SYT1: variants seen among roughly 807,000 people sequenced by gnomAD.
The protein encoded by SYT1 is synaptotagmin 1, also known as synaptotagmin-1.
A neutral mutation model predicts 44.8 loss-of-function variants in SYT1; 8 were observed. The observed-to-expected ratio is 0.18, with a 90% CI of 0.10 to 0.32. The LOEUF is 0.32. Ranked by LOEUF, SYT1 falls within the 10% of genes least tolerant of loss-of-function variation. The pLI is 1.00. For synonymous variants in SYT1, 154 were observed against 188.8 expected, an observed-to-expected ratio of 0.82 and a Z score of 1.51; for missense variants, 286 against 509.3, an observed-to-expected ratio of 0.56 and a Z score of 4.22.
At chr12:79,441,631 C>T (rs563195657) in intron 9 of SYT1, among the ~76,000 whole-genome samples, 3 of 152,214 alleles carry the variant, frequency 2.0e-5, no homozygotes, top group African/African-American at 7.2e-5. Flanking sequence ...CCTCTGTTCT[C>T]TTTTTTATGT....
At chr12:79,256,906 T>G (rs1292023433) in intron 4 of SYT1, among the ~76,000 whole-genome samples, 1 of 152,214 alleles carries the variant, frequency 6.6e-6, no homozygotes, top group Non-Finnish European at 1.5e-5. Flanking sequence ...CATCTTTAAA[T>G]TAACTTCAGG....
intron 4 of SYT1, among the ~76,000 whole-genome samples, chr12:79,219,449 C>T (rs1382430124): frequency 6.6e-6 from 1 of 151,798 alleles, no homozygotes; most frequent in Non-Finnish European, 1.5e-5. Context: ...AAATTTTTAT[C>T]CTGCATTTTA....
chr12:79,212,713 C>T (rs1369841158), intron 3 of SYT1, among the ~76,000 whole-genome samples: 2 of 152,112 alleles, frequency 1.3e-5, no homozygotes, highest in Non-Finnish European at 2.9e-5. Flanking sequence ...CTTGTGTCTT[C>T]CATTTACTGG....
intron 2 of SYT1, among the ~76,000 whole-genome samples, chr12:79,019,717 C>T (rs1405809398): frequency 6.6e-6 from 1 of 151,874 alleles, no homozygotes; most frequent in Non-Finnish European, 1.5e-5. Context: ...TTTTACTAAA[C>T]TCCTTTCATG....
chr12:79,213,099 A>G (rs941440489), intron 3 of SYT1, among the ~76,000 whole-genome samples: 1 of 152,210 alleles, frequency 6.6e-6, no homozygotes, highest in Non-Finnish European at 1.5e-5. Context: ...GTGGATTGTG[A>G]AACTAATGTA....
intron 4 of SYT1, among the ~76,000 whole-genome samples, chr12:79,228,049 T>TG: frequency 6.6e-6 from 1 of 151,270 alleles, no homozygotes; most frequent in South Asian, 2.1e-4. Flanking sequence ...TTTTTTTTTT[T>TG]GGTCCTATAA....
At chr12:78,929,409 C>CAAAA (rs10646738) in intron 1 of SYT1, among the ~76,000 whole-genome samples, 3,822 of 43,778 alleles carry the variant, frequency 0.087, 1,866 homozygotes, top group African/African-American at 0.13. Context: ...GACTCCGTCC[C>CAAAA]AAAAAAAAAA....
intron 1 of SYT1, among the ~76,000 whole-genome samples, chr12:78,939,608 G>T (rs1409964409): frequency 6.6e-6 from 1 of 152,134 alleles, no homozygotes; most frequent in African/African-American, 2.4e-5. Context: ...GGAGAAACTA[G>T]ATCTAGTTTA....
chr12:79,409,018 T>G (rs1239352840), intron 9 of SYT1, among the ~76,000 whole-genome samples: 2 of 152,028 alleles, frequency 1.3e-5, no homozygotes, highest in African/African-American at 4.8e-5. Context: ...GGGCCAGCAT[T>G]ACATTCTCAG....
rs766366269 is a variant in SYT1, at chr12:79,417,186, AT to A, written c.929-26883del. Among the ~76,000 whole-genome samples, 96 of 152,026 alleles carry A rather than the reference AT, an allele frequency of 6.3e-4. 1 individual carries two copies. Among genetic ancestry groups the A allele is most frequent in the African/African-American group, 2.0e-3 (84 of 41,440 alleles). On this transcript the variant is annotated intron_variant, in intron 9 of 10. Coordinates refer to ENST00000261205, the MANE Select transcript of SYT1 (RefSeq NM_005639.3). ...AAACCTGTGTCTTCCTCCTAATCAT[AT>A]TTTCTTAAATTGTACTTTTATTTAG...
At chr12:79,276,519 T>C (rs1377851675) in intron 4 of SYT1, among the ~76,000 whole-genome samples, 1 of 151,314 alleles carries the variant, frequency 6.6e-6, no homozygotes, top group Non-Finnish European at 1.5e-5. Context: ...CTACTAAAAA[T>C]ACAAAAATTA....
intron 3 of SYT1, among the ~76,000 whole-genome samples, chr12:79,053,001 T>C (rs1162397347): frequency 2.6e-5 from 4 of 152,172 alleles, no homozygotes; most frequent in Non-Finnish European, 5.9e-5. Flanking sequence ...GCAACACCAT[T>C]ACTGGGTATA....
At chr12:79,326,675 C>T (rs959175391) in intron 8 of SYT1, among the ~76,000 whole-genome samples, 4 of 152,180 alleles carry the variant, frequency 2.6e-5, no homozygotes, top group Non-Finnish European at 4.4e-5. Context: ...TTTTTTTTCT[C>T]TGCCTGCGAG....
chr12:79,002,187 C>T (rs1049227470), intron 2 of SYT1, among the ~76,000 whole-genome samples: 2 of 152,000 alleles, frequency 1.3e-5, no homozygotes, highest in South Asian at 4.1e-4. Context: ...TACTACAATC[C>T]TTTGCTGTTT....
chr12:79,060,603 G>T (rs928943699), intron 3 of SYT1, among the ~76,000 whole-genome samples: 1 of 151,910 alleles, frequency 6.6e-6, no homozygotes, highest in Non-Finnish European at 1.5e-5. Context: ...AGGTTATTTT[G>T]TATATTGTCA....
At chr12:79,318,804 A>C (rs1881219700) in intron 8 of SYT1, among the ~76,000 whole-genome samples, 1 of 152,246 alleles carries the variant, frequency 6.6e-6, no homozygotes, top group African/African-American at 2.4e-5. Flanking sequence ...TAGCGTCAGA[A>C]ATAGTCTGCT....
intron 8 of SYT1, among the ~76,000 whole-genome samples, chr12:79,326,844 T>C (rs1038454605): frequency 6.6e-6 from 1 of 152,210 alleles, no homozygotes. Context: ...ATATGCTGTC[T>C]GTAAACAGTT....
At chr12:79,345,069 A>G in intron 8 of SYT1, among the ~76,000 whole-genome samples, 1 of 152,158 alleles carries the variant, frequency 6.6e-6, no homozygotes, top group Admixed American at 6.5e-5. Flanking sequence ...GACAGGGTTC[A>G]TCCTGACTTC....
intron 1 of SYT1, among the ~76,000 whole-genome samples, chr12:78,883,450 A>C (rs1034206959): frequency 4.0e-5 from 6 of 151,696 alleles, no homozygotes; most frequent in Admixed American, 2.0e-4. Context: ...TCATGAACTG[A>C]TATTAGATGT....
Sources: allele counts gnomAD v4.1 joint callset (sites outside exome capture counted in the v4.1 genomes callset), GRCh38; gene constraint gnomAD v4.1.1; transcripts MANE v1.5; gene names NCBI Gene and HGNC (gene_info 2026-07-23, HGNC 2026-07-21).